MAML3: variants seen among roughly 807,000 people sequenced by gnomAD.
MAML3 encodes mastermind like transcriptional coactivator 3, also known as mastermind-like protein 3.
A neutral mutation model predicts 101.9 loss-of-function variants in MAML3; 27 were observed. The observed-to-expected ratio is 0.27, with a 90% CI of 0.20 to 0.37. The LOEUF is 0.37. Ranked by LOEUF, MAML3 falls within the 10% of genes least tolerant of loss-of-function variation. The probability of loss-of-function intolerance (pLI) is 1.00; values close to 1 mark genes in which losing one functional copy is unlikely to be tolerated. For synonymous variants in MAML3, 501 were observed against 555.9 expected, an observed-to-expected ratio of 0.90 and a Z score of 1.39; for missense variants, 1,316 against 1,444.9, an observed-to-expected ratio of 0.91 and a Z score of 1.45.
intron 1 of MAML3, among the ~76,000 whole-genome samples, chr4:140,024,137 A>G (rs1382079927): frequency 2.0e-5 from 3 of 152,150 alleles, no homozygotes; most frequent in Non-Finnish European, 4.4e-5. Context: ...AATTTTCAAG[A>G]TGTGGAAACT....
At chr4:139,949,620 C>T (rs1733799427) in intron 1 of MAML3, among the ~76,000 whole-genome samples, 1 of 152,172 alleles carries the variant, frequency 6.6e-6, no homozygotes, top group East Asian at 1.9e-4. Flanking sequence ...AATTTACAAA[C>T]ACAAATTTAA....
intron 2 of MAML3, chr4:139,794,399 G>A (rs1482825947): frequency 2.0e-5 from 3 of 152,208 alleles, no homozygotes; most frequent in Non-Finnish European, 2.9e-5. Flanking sequence ...CATCAGTGGG[G>A]TGCCTGGTGT....
At chr4:140,060,612 C>T (rs1434236648) in intron 1 of MAML3, among the ~76,000 whole-genome samples, 2 of 151,944 alleles carry the variant, frequency 1.3e-5, no homozygotes, top group Non-Finnish European at 2.9e-5. Context: ...GGAAAGTTAA[C>T]AGTCTTGCTT....
At chr4:139,815,810 G>A (rs887292620) in intron 2 of MAML3, among the ~76,000 whole-genome samples, 1 of 152,116 alleles carries the variant, frequency 6.6e-6, no homozygotes, top group African/African-American at 2.4e-5. Context: ...TCAGATCCTG[G>A]CTCCCTGCCT....
chr4:139,827,138 C>T (rs558651746), intron 2 of MAML3, among the ~76,000 whole-genome samples: 14 of 152,180 alleles, frequency 9.2e-5, no homozygotes, highest in African/African-American at 3.4e-4. Context: ...CTGGCACTTA[C>T]TGTTCTTCTG....
At chr4:139,840,697 C>A (rs1731346622) in intron 2 of MAML3, among the ~76,000 whole-genome samples, 2 of 152,138 alleles carry the variant, frequency 1.3e-5, no homozygotes, top group Admixed American at 1.3e-4. Flanking sequence ...GCTTTTGCAG[C>A]CTGTTGAACT....
At chr4:139,944,634 C>T (rs1733672871) in intron 1 of MAML3, among the ~76,000 whole-genome samples, 1 of 150,998 alleles carries the variant, frequency 6.6e-6, no homozygotes. Flanking sequence ...AAAAAGTGGG[C>T]AAAGGACATG....
At chr4:139,833,367 A>G (rs1731203382) in intron 2 of MAML3, among the ~76,000 whole-genome samples, 2 of 152,290 alleles carry the variant, frequency 1.3e-5, no homozygotes, top group East Asian at 1.9e-4. Flanking sequence ...CATTACTCCA[A>G]TGCATTGTGG....
chr4:140,084,916 A>T (rs948667598), intron 1 of MAML3, among the ~76,000 whole-genome samples: 1 of 152,158 alleles, frequency 6.6e-6, no homozygotes, highest in Admixed American at 6.5e-5. Context: ...CCCTAGTCCA[A>T]TGTAACCTTA....
At chr4:140,078,572 A>G (rs1727813941) in intron 1 of MAML3, among the ~76,000 whole-genome samples, 1 of 152,116 alleles carries the variant, frequency 6.6e-6, no homozygotes, top group South Asian at 2.1e-4. Flanking sequence ...GCCTGGGCGG[A>G]AGACCCAGAA....
At chr4:140,144,485 G>A (rs1295784404) in intron 1 of MAML3, among the ~76,000 whole-genome samples, 3 of 149,300 alleles carry the variant, frequency 2.0e-5, no homozygotes, top group Non-Finnish European at 3.0e-5. Flanking sequence ...GAGGTGGATC[G>A]TGCCACTGCA....
rs192726850 is a variant in MAML3, at chr4:140,091,963, T to A, written c.468+60897A>T. Among the ~76,000 whole-genome samples the A allele has an allele frequency of 2.1e-3, 317 of 151,986 alleles. 2 individuals carry two copies. Among genetic ancestry groups the A allele is most frequent in the African/African-American group, 7.3e-3 (302 of 41,450 alleles). On this transcript the variant is annotated intron_variant, in intron 1 of 4. Coordinates refer to ENST00000509479, the MANE Select transcript of MAML3 (RefSeq NM_018717.5). ...ATTTATTTCCTATCTATTTATTTCC[T>A]ATCTTCAAACGAGACTATACACTCC...
intron 4 of MAML3, among the ~76,000 whole-genome samples, chr4:139,721,447 C>T (rs1323491720): frequency 6.6e-6 from 1 of 152,092 alleles, no homozygotes; most frequent in Non-Finnish European, 1.5e-5. Context: ...AGCATGGGAG[C>T]CAGTCAATAT....
chr4:139,772,049 C>A (rs575472422), intron 2 of MAML3, among the ~76,000 whole-genome samples: 30 of 150,862 alleles, frequency 2.0e-4, no homozygotes, highest in African/African-American at 3.2e-4. Context: ...ACCATCCTGG[C>A]TAACACGGTG....
intron 2 of MAML3, among the ~76,000 whole-genome samples, chr4:139,733,069 G>T (rs1728789801): frequency 6.6e-6 from 1 of 152,178 alleles, no homozygotes; most frequent in African/African-American, 2.4e-5. Flanking sequence ...TTTGCTACCT[G>T]TTTTCCAAGC....
At chr4:139,800,407 T>C (rs1210365577) in intron 2 of MAML3, among the ~76,000 whole-genome samples, 1 of 152,214 alleles carries the variant, frequency 6.6e-6, no homozygotes, top group Non-Finnish European at 1.5e-5. Context: ...CTCCTGTGTA[T>C]AGGGGCTGTC....
chr4:139,729,682 A>G (rs1728623954), intron 3 of MAML3, among the ~76,000 whole-genome samples: 1 of 152,174 alleles, frequency 6.6e-6, no homozygotes, highest in African/African-American at 2.4e-5. Context: ...TAAGTCAGGT[A>G]TGGGCATCTC....
At chr4:140,145,503 G>C (rs1306318330) in intron 1 of MAML3, among the ~76,000 whole-genome samples, 1 of 152,094 alleles carries the variant, frequency 6.6e-6, no homozygotes, top group African/African-American at 2.4e-5. Flanking sequence ...TATTATTGAG[G>C]AATCACTTTC....
chr4:139,881,211 G>A (rs983169733), intron 2 of MAML3, among the ~76,000 whole-genome samples: 3 of 152,170 alleles, frequency 2.0e-5, no homozygotes, highest in Middle Eastern at 3.4e-3. Flanking sequence ...AGAAGAAGGC[G>A]GGTGGATTAC....
Sources: gnomAD v4.1 joint callset for allele counts (sites outside exome capture counted in the v4.1 genomes callset) on GRCh38, gnomAD v4.1.1 for gene constraint, MANE v1.5 for transcripts, NCBI Gene and HGNC (gene_info 2026-07-23, HGNC 2026-07-21) for gene names.